Variants in CTNNA2 observed in about 807,000 individuals in gnomAD.
The protein encoded by CTNNA2 is catenin alpha-2.
In CTNNA2, 42 loss-of-function variants were observed where a neutral mutation model predicts 101.0. The observed-to-expected ratio is 0.42, with a 90% confidence interval of 0.32 to 0.54. The LOEUF is 0.54. Ranked by LOEUF, CTNNA2 falls within the 20% of genes least tolerant of loss-of-function variation. The pLI is 0.14. For missense variants in CTNNA2, 871 were observed against 1,223.1 expected (o/e 0.71, Z 4.29); for synonymous variants, 450 against 456.4 (o/e 0.99, Z 0.18).
At chr2:79,501,782 T>G (rs1473013188) in intron 4 of CTNNA2, among the ~76,000 whole-genome samples, 1 of 152,134 alleles carries the variant, frequency 6.6e-6, no homozygotes, top group East Asian at 1.9e-4. Flanking sequence ...GTATCTTATG[T>G]GAAACTAAAA....
chr2:80,383,375 G>A (rs560021373), intron 7 of CTNNA2, among the ~76,000 whole-genome samples: 1 of 152,214 alleles, frequency 6.6e-6, no homozygotes, highest in East Asian at 1.9e-4. Context: ...CAATAAACAA[G>A]CATTTCCTGA....
chr2:79,805,607 G>C (rs1676510843), intron 3 of CTNNA2, among the ~76,000 whole-genome samples: 1 of 152,162 alleles, frequency 6.6e-6, no homozygotes, highest in Non-Finnish European at 1.5e-5. Flanking sequence ...TTTTGGCTGT[G>C]ACTCCTGTTT....
At chr2:79,879,932 T>G (rs1382917809) in intron 6 of CTNNA2, among the ~76,000 whole-genome samples, 2 of 152,202 alleles carry the variant, frequency 1.3e-5, no homozygotes, top group Non-Finnish European at 1.5e-5. Context: ...TTTTGCCCAT[T>G]CAATATGATA....
chr2:80,096,755 A>C (rs1479577189), intron 7 of CTNNA2, among the ~76,000 whole-genome samples: 3 of 152,192 alleles, frequency 2.0e-5, no homozygotes, highest in South Asian at 2.1e-4. Context: ...CTTTACCATT[A>C]TGTAATGGCC....
intron 4 of CTNNA2, among the ~76,000 whole-genome samples, chr2:79,503,287 T>C (rs1036574847): frequency 6.6e-6 from 1 of 152,128 alleles, no homozygotes; most frequent in African/African-American, 2.4e-5. Flanking sequence ...TAAAACAATA[T>C]CATATATGAT....
At chr2:79,474,984 T>C (rs112447882) in intron 4 of CTNNA2, among the ~76,000 whole-genome samples, 4,030 of 152,244 alleles carry the variant, frequency 0.026, 158 homozygotes, top group African/African-American at 0.092. Context: ...GAAAACCCCA[T>C]CCAGTCACTT....
chr2:79,675,163 C>G (rs1683098837), intron 2 of CTNNA2, among the ~76,000 whole-genome samples: 1 of 152,114 alleles, frequency 6.6e-6, no homozygotes. Context: ...ATTATCCAAA[C>G]TGAATTGATT....
intron 4 of CTNNA2, among the ~76,000 whole-genome samples, chr2:79,449,179 T>C (rs442291): frequency 0.48 from 73,462 of 151,814 alleles, 18,594 homozygotes; most frequent in East Asian, 0.67. Flanking sequence ...ATTGGGAGTA[T>C]AAGGCAGGAG....
At chr2:80,398,650 T>TGAAGGA (rs1247932030) in intron 8 of CTNNA2, among the ~76,000 whole-genome samples, 32 of 145,540 alleles carry the variant, frequency 2.2e-4, no homozygotes, top group Non-Finnish European at 3.8e-4. Flanking sequence ...AAGTCAGGAG[T>TGAAGGA]TCAAGACCAG....
chr2:79,961,749 G>T (rs1056374659), intron 7 of CTNNA2, among the ~76,000 whole-genome samples: 2 of 151,790 alleles, frequency 1.3e-5, no homozygotes, highest in Non-Finnish European at 2.9e-5. Flanking sequence ...GTGAACCCGG[G>T]GGGCAGAGCC....
At chr2:79,704,198 C>T (rs1331159259) in intron 2 of CTNNA2, among the ~76,000 whole-genome samples, 1 of 152,100 alleles carries the variant, frequency 6.6e-6, no homozygotes, top group Non-Finnish European at 1.5e-5. Flanking sequence ...GGATGTGAAA[C>T]CTTCACTTAG....
chr2:79,739,122 T>C (rs1671106534), intron 2 of CTNNA2, among the ~76,000 whole-genome samples: 1 of 150,968 alleles, frequency 6.6e-6, no homozygotes, highest in South Asian at 2.1e-4. Flanking sequence ...GCTTTACAAA[T>C]GGATAGGAAA....
intron 7 of CTNNA2, chr2:80,162,307 A>G (rs1386567047): frequency 2.5e-6 from 2 of 802,536 alleles, no homozygotes; most frequent in Non-Finnish European, 3.7e-6. Flanking sequence ...TTTGTATTAA[A>G]CTGTAGCTTT....
At chr2:79,865,989 G>A (rs1383669742) in intron 4 of CTNNA2, among the ~76,000 whole-genome samples, 1 of 152,238 alleles carries the variant, frequency 6.6e-6, no homozygotes, top group Non-Finnish European at 1.5e-5. Flanking sequence ...GAAGTGCTGG[G>A]ATTACAGGCG....
At chr2:80,271,930 A>G (rs559720785) in intron 7 of CTNNA2, among the ~76,000 whole-genome samples, 1 of 152,318 alleles carries the variant, frequency 6.6e-6, no homozygotes, top group Non-Finnish European at 1.5e-5. Context: ...ACTGATCCAT[A>G]AGAGAGTCTT....
At chr2:79,650,896 T>C (rs1681197374) in intron 1 of CTNNA2, among the ~76,000 whole-genome samples, 1 of 151,404 alleles carries the variant, frequency 6.6e-6, no homozygotes, top group South Asian at 2.1e-4. Flanking sequence ...GTGTGGTTTT[T>C]TGTTCTTGCA....
At chr2:79,864,020 A>G (rs560945164) in intron 4 of CTNNA2, among the ~76,000 whole-genome samples, 4 of 152,290 alleles carry the variant, frequency 2.6e-5, no homozygotes, top group African/African-American at 7.2e-5. Flanking sequence ...AGAACCAGGA[A>G]CCAAACCCTT....
chr2:79,816,817 T>C (rs1347660518), intron 3 of CTNNA2, among the ~76,000 whole-genome samples: 1 of 152,150 alleles, frequency 6.6e-6, no homozygotes, highest in African/African-American at 2.4e-5. Flanking sequence ...TCCCATTTTG[T>C]AATGAGAAAA....
At chr2:79,758,950 T>C (rs965733000) in intron 3 of CTNNA2, among the ~76,000 whole-genome samples, 8 of 152,106 alleles carry the variant, frequency 5.3e-5, no homozygotes, top group African/African-American at 1.9e-4. Flanking sequence ...TAATAAAAGG[T>C]CTCAGATGAC....
Sources: allele counts gnomAD v4.1 joint callset (sites outside exome capture counted in the v4.1 genomes callset), GRCh38; gene constraint gnomAD v4.1.1; transcripts MANE v1.5; gene names NCBI Gene and HGNC (gene_info 2026-07-23, HGNC 2026-07-21).